The following TRIM44 variants were observed in gnomAD, a reference collection of about 807,000 sequenced individuals.
TRIM44 encodes the protein tripartite motif containing 44.
TRIM44 carries 13 observed loss-of-function variants against 37.4 expected under a neutral mutation model. The observed-to-expected ratio is 0.35, with a 90% CI of 0.23 to 0.55. The LOEUF (loss-of-function observed/expected upper bound fraction) is 0.55, where lower values mean the gene tolerates loss of function less well. Ranked by LOEUF, TRIM44 falls within the 20% of genes least tolerant of loss-of-function variation. The pLI is 0.89. For synonymous variants in TRIM44, 175 were observed against 157.2 expected, an observed-to-expected ratio of 1.11 and a Z score of -0.85; for missense variants, 426 against 437.2, an observed-to-expected ratio of 0.97 and a Z score of 0.23.
chr11:35,744,619 TA>T (rs1852462968), intron 4 of TRIM44, among the ~76,000 whole-genome samples: 1 of 152,146 alleles, frequency 6.6e-6, no homozygotes, highest in Non-Finnish European at 1.5e-5. Flanking sequence ...GTTTGTTACA[TA>T]GGTAAACGTG....
At chr11:35,786,015 C>T (rs1227946161) in intron 4 of TRIM44, among the ~76,000 whole-genome samples, 2 of 152,088 alleles carry the variant, frequency 1.3e-5, no homozygotes, top group African/African-American at 2.4e-5. Flanking sequence ...AGCCATGAAA[C>T]GAACTCAAGA....
At chr11:35,693,907 T>C (rs1851665659) in intron 2 of TRIM44, among the ~76,000 whole-genome samples, 1 of 152,158 alleles carries the variant, frequency 6.6e-6, no homozygotes, top group Non-Finnish European at 1.5e-5. Context: ...AGGGAGACTA[T>C]TATGACTATT....
At chr11:35,779,770 T>G (rs941549197) in intron 4 of TRIM44, among the ~76,000 whole-genome samples, 40 of 152,162 alleles carry the variant, frequency 2.6e-4, no homozygotes, top group African/African-American at 4.8e-5. Flanking sequence ...GAGTTTTTTT[T>G]TGTATATGGT....
chr11:35,704,875 A>G (rs962202101), intron 2 of TRIM44, among the ~76,000 whole-genome samples: 1 of 151,980 alleles, frequency 6.6e-6, no homozygotes, highest in African/African-American at 2.4e-5. Flanking sequence ...ATAACCAGCT[A>G]ACATCATAAT....
chr11:35,669,343 T>C (rs913823206), intron 1 of TRIM44, among the ~76,000 whole-genome samples: 1 of 152,186 alleles, frequency 6.6e-6, no homozygotes, highest in Non-Finnish European at 1.5e-5. Flanking sequence ...TGTTAACCTC[T>C]CTACCTTCCC....
intron 2 of TRIM44, among the ~76,000 whole-genome samples, chr11:35,690,235 A>G (rs1851624796): frequency 6.6e-6 from 1 of 152,156 alleles, no homozygotes. Flanking sequence ...AAATAAACCC[A>G]AGAATGGTTT....
intron 4 of TRIM44, among the ~76,000 whole-genome samples, chr11:35,747,686 T>C (rs1267123763): frequency 1.3e-5 from 2 of 152,036 alleles, no homozygotes; most frequent in Non-Finnish European, 2.9e-5. Context: ...GTGCCTAAGG[T>C]GGAATGAACA....
chr11:35,669,759 A>G (rs1851372213), intron 1 of TRIM44, among the ~76,000 whole-genome samples: 1 of 151,270 alleles, frequency 6.6e-6, no homozygotes, highest in Admixed American at 6.6e-5. Context: ...GATTATAGGC[A>G]TAAGCCACCA....
At chr11:35,788,309 A>T (rs192240429) in intron 4 of TRIM44, among the ~76,000 whole-genome samples, 1 of 152,320 alleles carries the variant, frequency 6.6e-6, no homozygotes, top group Admixed American at 6.5e-5. Context: ...GTTAACAGCC[A>T]TTTAAACCAT....
intron 4 of TRIM44, among the ~76,000 whole-genome samples, chr11:35,791,910 T>C (rs1853216980): frequency 6.6e-6 from 1 of 152,212 alleles, no homozygotes. Context: ...GGTGAAAGAA[T>C]AGCCACTGAC....
intron 2 of TRIM44, among the ~76,000 whole-genome samples, chr11:35,710,825 A>T (rs1046993931): frequency 6.6e-6 from 1 of 152,214 alleles, no homozygotes; most frequent in African/African-American, 2.4e-5. Flanking sequence ...AATCAGCTCA[A>T]AACAATTCTT....
chr11:35,803,153 T>C (rs1853392205), intron 4 of TRIM44, among the ~76,000 whole-genome samples: 4 of 152,064 alleles, frequency 2.6e-5, no homozygotes, highest in Admixed American at 2.0e-4. Context: ...TATTAGTTAA[T>C]AACAGGCATT....
intron 1 of TRIM44, among the ~76,000 whole-genome samples, chr11:35,665,487 G>C (rs1851320419): frequency 6.6e-6 from 1 of 150,824 alleles, no homozygotes; most frequent in South Asian, 2.1e-4. Context: ...TAATGACTTT[G>C]AGGATCTTTT....
At chr11:35,694,282 A>C (rs185375337) in intron 2 of TRIM44, among the ~76,000 whole-genome samples, 3 of 152,300 alleles carry the variant, frequency 2.0e-5, no homozygotes, top group Admixed American at 2.0e-4. Context: ...AATCATGGAC[A>C]AAGGACCTAA....
At position 35,778,915 on chromosome 11, in the gene TRIM44, A is replaced by C. The variant is rs185732851; in HGVS notation, c.1008-27443A>C. Among the ~76,000 whole-genome samples the C allele has an allele frequency of 7.1e-4, 108 of 152,354 alleles. 1 individual carries two copies. The Middle Eastern group carries it at 0.01, about 14-fold the overall frequency. ...GGGTCAGAGACCCACTTGAGGAGGC[A>C]GTCTGTCCATTCTCAGATCTCAAAC... is the stretch of plus-strand genomic sequence containing the variant. On this transcript the variant is annotated intron_variant, in intron 4 of 4. Transcript: ENST00000299413.
At chr11:35,729,804 G>T (rs1852230751) in intron 3 of TRIM44, among the ~76,000 whole-genome samples, 1 of 152,196 alleles carries the variant, frequency 6.6e-6, no homozygotes, top group Non-Finnish European at 1.5e-5. Context: ...ATAGGAACTA[G>T]GTTTTTATAA....
chr11:35,752,187 C>A (rs1852566988), intron 4 of TRIM44, among the ~76,000 whole-genome samples: 1 of 151,748 alleles, frequency 6.6e-6, no homozygotes, highest in Non-Finnish European at 1.5e-5. Context: ...AGTTAATCAG[C>A]AAATCCTGTC....
intron 4 of TRIM44, among the ~76,000 whole-genome samples, chr11:35,748,451 TCAAAA>T (rs1852522107): frequency 6.6e-6 from 1 of 152,206 alleles, no homozygotes; most frequent in Non-Finnish European, 1.5e-5. Context: ...CATTTAATCC[TCAAAA>T]CAATTTAGGA....
rs201360919 is a variant in TRIM44, at chr11:35,663,090, T to C, written c.-22T>C. On this transcript the variant is annotated 5_prime_UTR_variant, in exon 1 of 5. Transcript: ENST00000299413. ...CGGCGAGCCCCGGGGCCCCGAGGCC[T>C]TGGCCGCGTCACAGCACCCACATGG... 4.7e-5 allele frequency: 71 copies of C among 1,497,146 alleles called. No individual in the cohort carries two copies. In the African/African-American group the frequency reaches 8.2e-4, roughly 17 times the overall value. The allele number at this position is 1,497,146 out of a possible 1,614,324, so 92.7% of individuals were successfully genotyped here. A position where few individuals can be genotyped will look rare whatever the true frequency, so the allele number is the denominator to read the frequency against.
Sources: allele counts gnomAD v4.1 joint callset (sites outside exome capture counted in the v4.1 genomes callset), GRCh38; gene constraint gnomAD v4.1.1; transcripts MANE v1.5; gene names NCBI Gene and HGNC (gene_info 2026-07-23, HGNC 2026-07-21).